The following FUBP1 variants were observed in gnomAD, a reference collection of about 807,000 sequenced individuals.
FUBP1 encodes the protein far upstream element-binding protein 1.
FUBP1 carries 16 observed loss-of-function variants against 94.9 expected under a neutral mutation model. That is an observed-to-expected ratio of 0.17 (90% CI 0.11 to 0.26). The LOEUF is 0.26. FUBP1 is among the 10% of genes least tolerant of loss of function. The pLI, the probability that FUBP1 is intolerant of heterozygous loss-of-function variation, is 1.00. For synonymous variants in FUBP1, 279 were observed against 254.9 expected (o/e 1.09, Z -0.90); for missense variants, 583 against 808.6 (o/e 0.72, Z 3.38).
At chr1:77,969,005 TA>T in intron 2 of FUBP1, 1 of 1,056,532 alleles carries the variant, frequency 9.5e-7, no homozygotes, top group Non-Finnish European at 1.3e-6. Flanking sequence ...ACACAGGTAA[TA>T]AATAAAAATT....
chr1:77,968,852 TA>T (rs1657005917), intron 2 of FUBP1, among the ~76,000 whole-genome samples: 1 of 152,162 alleles, frequency 6.6e-6, no homozygotes, highest in Non-Finnish European at 1.5e-5. Flanking sequence ...CTCAAAGTAC[TA>T]CATTCTCCTC....
In FUBP1 at chr1:77,964,064, G is replaced by C. The variant is rs754287127; in HGVS notation, c.1039C>G (p.Gln347Glu). Residue 347 changes from glutamine (Q) to glutamate (E), a missense_variant and splice_region_variant, in exon 12 of 20, where the codon CAG becomes GAG. By Grantham distance (29) the Gln-to-Glu change is conservative. Coordinates refer to ENST00000370768, the MANE Select transcript of FUBP1 (RefSeq NM_003902.5). ...AAAATGTTAACTTTCTATCAAACCTGAACACTTCGAAGAAGGTCTGTAATA... is the reference window on the plus strand; with the variant it reads ...AAAATGTTAACTTTCTATCAAACCTCAACACTTCGAAGAAGGTCTGTAATA... ...EIITDLLRSV[Q>E]AGNPGGPGPG... is the part of the protein sequence containing the mutation. 6 of 1,522,176 alleles carry C rather than the reference G, an allele frequency of 3.9e-6. No individual in the cohort carries two copies. Among genetic ancestry groups the C allele is most frequent in the Non-Finnish European group, 5.5e-6 (6 of 1,096,242 alleles). 94.3% of individuals were successfully genotyped at this position (1,522,176 alleles called of 1,614,324 possible). A position where few individuals can be genotyped will look rare whatever the true frequency, so the allele number is the denominator to read the frequency against.
At chr1:77,963,431 T>C (rs1290220043) in intron 13 of FUBP1, 143 bp downstream of exon 13, 2 of 523,630 alleles carry the variant, frequency 3.8e-6, no homozygotes, top group East Asian at 6.3e-5. Context: ...ATTTATGTTT[T>C]ACTTGTTACA....
intron 11 of FUBP1, 38 bp from the exon 12 acceptor site, chr1:77,964,200 T>C (rs371148768): frequency 1.4e-5 from 21 of 1,548,814 alleles, no homozygotes; most frequent in African/African-American, 2.7e-5. Context: ...AAACAATAAA[T>C]GTATGTCAAA....
rs572219458 is a variant in FUBP1, at chr1:77,965,346, G to A, written c.474-115C>T. ...CTCCTATCCCAGTTCAGGATTAGGT[G>A]CCTTGATGCTAACTTTAACAATGCT... On this transcript the variant is annotated intron_variant, in intron 7 of 19. Transcript: ENST00000370768. 6 of 530,984 alleles carry A rather than the reference G, an allele frequency of 1.1e-5. No individual in the cohort carries two copies. The East Asian group carries it at 1.7e-4, about 15-fold the overall frequency. The allele number at this position is 530,984 out of a possible 1,614,324, so 32.9% of individuals were successfully genotyped here.
At chr1:77,949,416 T>A (rs1218323078) in intron 18 of FUBP1, 116 bp from the exon 19 acceptor site, 1 of 817,576 alleles carries the variant, frequency 1.2e-6, no homozygotes. Flanking sequence ...TGAATAATCT[T>A]GTGTTTGCCC....
In FUBP1 at chr1:77,970,035, ATACCATC is replaced by A; in HGVS notation, c.121-27_121-21del. On this transcript the variant is annotated intron_variant, in intron 1 of 19. Transcript: ENST00000370768. ...TGCAATCTAAAAAAAAAAAAGAAAA[ATACCATC>A]ATAAACTATTATATACTATTCATTA... 1 of 1,326,380 alleles carries A rather than the reference ATACCATC, an allele frequency of 7.5e-7. No homozygotes were observed. The highest frequency in any genetic ancestry group is 1.1e-6 in the Non-Finnish European group (1 of 931,950). The allele number at this position is 1,326,380 out of a possible 1,614,324, so 82.2% of individuals were successfully genotyped here.
At position 77,969,131 on chromosome 1, in the gene FUBP1, T is replaced by G. The variant is rs984523167; in HGVS notation, c.211+794A>C. On this transcript the variant is annotated intron_variant, in intron 2 of 19. Transcript: ENST00000370768. The stretch of plus-strand genomic sequence containing the variant: ...TACATTACATACAACATCTGAAGCA[T>G]CATTAGCTCATTTTTTTTCTACATT... The G allele has an allele frequency of 5.8e-6, 4 of 684,474 alleles. No homozygotes were observed. In the Admixed American group the frequency reaches 1.2e-4, roughly 20 times the overall value. The allele number at this position is 684,474 out of a possible 1,614,324, so 42.4% of individuals were successfully genotyped here. A position where few individuals can be genotyped will look rare whatever the true frequency, so the allele number is the denominator to read the frequency against.
At position 77,962,803 on chromosome 1, in the gene FUBP1, G is replaced by A. The variant is rs1655752952; in HGVS notation, c.1311C>T (p.Asp437=). 11 of 1,612,048 alleles carry A rather than the reference G, an allele frequency of 6.8e-6. No homozygotes were observed. Among genetic ancestry groups the A allele is most frequent in the Non-Finnish European group, 9.3e-6 (11 of 1,178,406 alleles). ...FTIRGTPQQI[D]YARQLIEEKI... ...TTTCTTCTATGAGTTGCCGAGCATA[G>A]TCTATCTGTTGTGGAGTGCCACGAA... is the stretch of plus-strand genomic sequence containing the variant. The change falls in exon 14 of 20, where the codon GAC becomes GAT. Residue 437 remains aspartate (D), a synonymous_variant. Coordinates refer to ENST00000370768, the MANE Select transcript of FUBP1 (RefSeq NM_003902.5).
chr1:77,960,088 G>A (rs1277683330), intron 16 of FUBP1, 96 bp downstream of exon 16: 5 of 839,150 alleles, frequency 6.0e-6, no homozygotes, highest in Non-Finnish European at 9.9e-6. Flanking sequence ...GAGTGAAGGT[G>A]ATGCATACAA....
chr1:77,970,032 A>C lies in FUBP1; in HGVS notation c.121-17T>G. ...TGCTGCAATCTAAAAAAAAAAAAGA[A>C]AAATACCATCATAAACTATTATATA... is the stretch of plus-strand genomic sequence containing the variant. On this transcript the variant is annotated splice_polypyrimidine_tract_variant and intron_variant, in intron 1 of 19. Transcript: ENST00000370768. The C allele has an allele frequency of 5.1e-6, 7 of 1,374,188 alleles. No homozygotes were observed. The highest frequency in any genetic ancestry group is 7.2e-6 in the Non-Finnish European group (7 of 974,856). 85.1% of individuals were successfully genotyped at this position (1,374,188 alleles called of 1,614,324 possible).
In FUBP1 at chr1:77,960,237, T is replaced by C; in HGVS notation, c.1523A>G (p.Gln508Arg). 1 of 1,612,942 alleles carries C rather than the reference T, an allele frequency of 6.2e-7. No homozygotes were observed. Among genetic ancestry groups the C allele is most frequent in the South Asian group, 1.1e-5 (1 of 90,990 alleles). ...PHGPPAPYAPQGWGNAYPHWQ... is the reference protein window; with the variant it reads ...PHGPPAPYAPRGWGNAYPHWQ... ...GTGTGGATATGCATTTCCCCATCCC[T>C]GGGGAGCATATGGGGCTGGAGGACC... The change falls in exon 16 of 20, where the codon CAG (glutamine) becomes CGG (arginine). Residue 508 changes from glutamine to arginine, a missense_variant. Gln to Arg is a conservative substitution (Grantham distance 43). Transcript: ENST00000370768.
intron 18 of FUBP1, among the ~76,000 whole-genome samples, chr1:77,951,840 T>C (rs745595511): frequency 1.2e-4 from 19 of 152,308 alleles, no homozygotes; most frequent in Middle Eastern, 3.4e-3. Context: ...TCTTCCCATA[T>C]AACTGTACCT....
intron 1 of FUBP1, among the ~76,000 whole-genome samples, chr1:77,978,607 C>T (rs1285154221): frequency 6.6e-6 from 1 of 152,330 alleles, no homozygotes; most frequent in African/African-American, 2.4e-5. Context: ...TCTAAACTAG[C>T]TCACTGGAGA....
intron 1 of FUBP1, among the ~76,000 whole-genome samples, chr1:77,976,962 C>CAA (rs777563967): frequency 1.2e-3 from 184 of 152,278 alleles, no homozygotes; most frequent in Non-Finnish European, 2.4e-3. Flanking sequence ...CATGCTGCTT[C>CAA]TTTTCTTCAC....
rs771092511 is a variant in FUBP1 at position 77,963,764 on chromosome 1, T to G, written c.1042-49A>C. On this transcript the variant is annotated intron_variant, in intron 12 of 19. Coordinates refer to ENST00000370768, the MANE Select transcript of FUBP1 (RefSeq NM_003902.5). Reference sequence around the variant, plus strand: ...CGAAGAGTCAGCACAGAAATACTTTTGTTTCATGATAAAATTATTAAGTTT... The same window carrying G: ...CGAAGAGTCAGCACAGAAATACTTTGGTTTCATGATAAAATTATTAAGTTT... The G allele has an allele frequency of 5.4e-6, 8 of 1,486,058 alleles. No homozygotes were observed. The Admixed American group carries it at 6.5e-5, about 12-fold the overall frequency. The allele number at this position is 1,486,058 out of a possible 1,614,324, so 92.1% of individuals were successfully genotyped here.
intron 18 of FUBP1, among the ~76,000 whole-genome samples, chr1:77,950,288 A>G (rs1184664260): frequency 6.6e-6 from 1 of 152,150 alleles, no homozygotes; most frequent in Non-Finnish European, 1.5e-5. Context: ...CAGCCTCTAG[A>G]GTAGCTGGGA....
chr1:77,972,783 A>C (rs551817200), intron 1 of FUBP1, among the ~76,000 whole-genome samples: 108 of 152,020 alleles, frequency 7.1e-4, no homozygotes, highest in African/African-American at 2.5e-3. Flanking sequence ...AAAGAAAAGA[A>C]AAGAAAAGAA....
At chr1:77,949,407 G>C in intron 18 of FUBP1, 107 bp from the exon 19 acceptor site, 4 of 851,416 alleles carry the variant, frequency 4.7e-6, no homozygotes, top group Non-Finnish European at 7.1e-6. Flanking sequence ...CCAAGCCTTT[G>C]AATAATCTTG....
Sources: allele counts gnomAD v4.1 joint callset (sites outside exome capture counted in the v4.1 genomes callset), GRCh38; gene constraint gnomAD v4.1.1; transcripts MANE v1.5; gene names NCBI Gene and HGNC (gene_info 2026-07-23, HGNC 2026-07-21).